Variants in LGMN observed in about 807,000 individuals in gnomAD.
LGMN encodes the protein asparaginyl endopeptidase.
In LGMN, 36 loss-of-function variants were observed where a neutral mutation model predicts 56.8. That is an observed-to-expected ratio of 0.63 (90% CI 0.49 to 0.84). LGMN has a LOEUF of 0.84. LGMN is among the 40% of genes least tolerant of loss of function. The pLI is 0.00. For missense variants in LGMN, 446 were observed against 556.1 expected (o/e 0.80, Z 1.99); for synonymous variants, 199 against 210.1 (o/e 0.95, Z 0.46).
intron 3 of LGMN, 62 bp from the exon 4 acceptor site, chr14:92,717,523 A>G (rs1890130625): frequency 8.1e-7 from 1 of 1,230,916 alleles, no homozygotes; most frequent in Non-Finnish European, 1.2e-6. Context: ...TCTCTCTTCA[A>G]ACACATGTAT....
rs1014680277 is a variant in LGMN, at chr14:92,736,485, ACTCAGGAGG to A, written c.-29-3679_-29-3671del. ...GTGGCGCACACCTGTAATCCCAGCT[ACTCAGGAGG>A]CTGAGGCACGAGAATCACTTGAACC... On this transcript the variant is annotated intron_variant, in intron 1 of 13. Coordinates refer to ENST00000334869, the MANE Select transcript of LGMN (RefSeq NM_005606.7). 1.1e-4 allele frequency among the ~76,000 whole-genome samples: 17 copies of A among 152,176 alleles called. No individual in the cohort carries two copies. The South Asian group carries it at 2.7e-3, about 24-fold the overall frequency.
chr14:92,730,441 G>A (rs1890993037), intron 2 of LGMN, among the ~76,000 whole-genome samples: 1 of 151,846 alleles, frequency 6.6e-6, no homozygotes, highest in Non-Finnish European at 1.5e-5. Context: ...TTTTAAACAA[G>A]GTCTCGCTCT....
intron 2 of LGMN, among the ~76,000 whole-genome samples, chr14:92,721,270 A>G (rs1890464565): frequency 6.6e-6 from 1 of 152,172 alleles, no homozygotes; most frequent in South Asian, 2.1e-4. Flanking sequence ...ATGCAGTGTA[A>G]GAAAGATTCA....
chr14:92,720,095 T>C (rs1890379765), intron 2 of LGMN, among the ~76,000 whole-genome samples: 1 of 152,118 alleles, frequency 6.6e-6, no homozygotes, highest in Non-Finnish European at 1.5e-5. Flanking sequence ...AGATGGGTGC[T>C]TGGTATACAG....
rs1321287657 is a variant in LGMN, at chr14:92,732,792, A to C, written c.-6T>G. 1 of 1,612,314 alleles carries C rather than the reference A, an allele frequency of 6.2e-7. No individual in the cohort carries two copies. Among genetic ancestry groups the C allele is most frequent in the Admixed American group, 1.7e-5 (1 of 59,428 alleles). On this transcript the variant is annotated 5_prime_UTR_variant, in exon 2 of 14. Coordinates refer to ENST00000334869, the MANE Select transcript of LGMN (RefSeq NM_005606.7). ...ACAGCTACTTTCCAAACCATTCTGCACCTTGGAGTTCAATTGCAGACACCT... is the reference window on the plus strand; with the variant it reads ...ACAGCTACTTTCCAAACCATTCTGCCCCTTGGAGTTCAATTGCAGACACCT...
At chr14:92,708,208 A>T (rs995398172) in intron 11 of LGMN, among the ~76,000 whole-genome samples, 1 of 152,130 alleles carries the variant, frequency 6.6e-6, no homozygotes, top group Non-Finnish European at 1.5e-5. Flanking sequence ...GAACTATCAA[A>T]AATGTCCTTT....
At position 92,704,730 on chromosome 14, in the gene LGMN, A is replaced by C. The variant is rs779259529; in HGVS notation, c.1192-23T>G. The C allele has an allele frequency of 3.1e-6, 5 of 1,592,170 alleles. No homozygotes were observed. The South Asian group carries it at 4.4e-5, about 14-fold the overall frequency. On this transcript the variant is annotated intron_variant, in intron 12 of 13. Coordinates refer to ENST00000334869, the MANE Select transcript of LGMN (RefSeq NM_005606.7). ...GTACTGGGAGAAAACAAACGAGAAG[A>C]ATGAAACTTCCTCATCTCACCACAC...
chr14:92,744,602 T>C (rs941688878), intron 1 of LGMN, among the ~76,000 whole-genome samples: 1 of 151,226 alleles, frequency 6.6e-6, no homozygotes. Context: ...TAGTTTTTTT[T>C]TTTTTTTTTT....
chr14:92,717,598 C>T (rs989961435), intron 3 of LGMN, 137 bp from the exon 4 acceptor site: 6 of 599,978 alleles, frequency 1.0e-5, no homozygotes, highest in African/African-American at 9.1e-5. Flanking sequence ...TGCAGGGTGG[C>T]CAACGTGTGA....
chr14:92,721,637 C>T (rs973213073), intron 2 of LGMN, among the ~76,000 whole-genome samples: 5 of 152,200 alleles, frequency 3.3e-5, no homozygotes, highest in African/African-American at 9.7e-5. Flanking sequence ...CCAAGCAATT[C>T]TACTCCTAGC....
chr14:92,718,677 G>T, intron 3 of LGMN, 70 bp downstream of exon 3: 1 of 960,430 alleles, frequency 1.0e-6, no homozygotes, highest in Non-Finnish European at 1.7e-6. Context: ...GGATTCCTGT[G>T]AGTCTATGTG....
At chr14:92,732,873 G>A (rs1046340683) in intron 1 of LGMN, 58 bp from the exon 2 acceptor site, 34 of 1,404,670 alleles carry the variant, frequency 2.4e-5, no homozygotes, top group Middle Eastern at 3.7e-4. Flanking sequence ...AACATTGGCT[G>A]GGCGCGGTGG....
In LGMN at chr14:92,717,400, G is replaced by A. The variant is rs915223164; in HGVS notation, c.298C>T (p.Pro100Ser). The A allele has an allele frequency of 1.2e-6, 2 of 1,611,280 alleles. No homozygotes were observed. Among genetic ancestry groups the A allele is most frequent in the Non-Finnish European group, 1.7e-6 (2 of 1,177,926 alleles). Residue 100 changes from proline to serine, a missense_variant, in exon 4 of 14, where the codon CCG (proline) becomes TCG (serine). By Grantham distance (74) the Pro-to-Ser change is moderately conservative. Transcript: ENST00000334869. ...PNGTDVYQGV[P>S]KDYTGEDVTP... ...CTCACCTCTCCAGTGTAGTCCTTCG[G>A]GACTCCCTGATAGACATCTGTGCCA...
In LGMN at chr14:92,721,880, C is replaced by A. The variant is rs113572001; in HGVS notation, c.139-3036G>T. On this transcript the variant is annotated intron_variant, in intron 2 of 13. Coordinates refer to ENST00000334869, the MANE Select transcript of LGMN (RefSeq NM_005606.7). ...CCACTATGCAATGTATCTATGTACCCCCTGAATCTATAAAAACTTTTAAAA... is the reference window on the plus strand; with the variant it reads ...CCACTATGCAATGTATCTATGTACCACCTGAATCTATAAAAACTTTTAAAA... 9.7e-3 allele frequency among the ~76,000 whole-genome samples: 1,473 copies of A among 152,184 alleles called. 30 individuals are homozygous for A. The highest frequency in any genetic ancestry group is 0.033 in the African/African-American group (1,373 of 41,502).
intron 2 of LGMN, among the ~76,000 whole-genome samples, chr14:92,728,053 TGA>T (rs1254634853): frequency 6.6e-6 from 1 of 152,230 alleles, no homozygotes; most frequent in African/African-American, 2.4e-5. Context: ...GGATGCATTC[TGA>T]GAGATGCTTC....
intron 11 of LGMN, among the ~76,000 whole-genome samples, chr14:92,706,870 G>A (rs1003422113): frequency 1.3e-5 from 2 of 152,118 alleles, no homozygotes; most frequent in African/African-American, 4.8e-5. Flanking sequence ...GGGATCTTCT[G>A]GCATGATGCA....
intron 1 of LGMN, among the ~76,000 whole-genome samples, chr14:92,744,407 C>T (rs1891721795): frequency 6.6e-6 from 1 of 152,096 alleles, no homozygotes; most frequent in Admixed American, 6.5e-5. Flanking sequence ...CTTCCTTCCC[C>T]CTCTGTAGAG....
At chr14:92,735,866 G>C (rs148293403) in intron 1 of LGMN, among the ~76,000 whole-genome samples, 1 of 151,816 alleles carries the variant, frequency 6.6e-6, no homozygotes, top group East Asian at 1.9e-4. Flanking sequence ...TGGAGTGCTG[G>C]GGACCCCCAG....
rs1178798995 is a variant in LGMN, at chr14:92,717,328, A to G, written c.318+52T>C. 7.0e-5 allele frequency: 77 copies of G among 1,100,322 alleles called. No individual in the cohort carries two copies. In the East Asian group the frequency reaches 1.9e-3, roughly 26 times the overall value. 68.2% of individuals were successfully genotyped at this position (1,100,322 alleles called of 1,614,324 possible). ...GAAACAGAAGAAAGAGGGAAAAATC[A>G]TCACTAAAATGAAAACTAAACCAGC... On this transcript the variant is annotated intron_variant, in intron 4 of 13. Transcript: ENST00000334869.
Sources: gnomAD v4.1 joint callset for allele counts (sites outside exome capture counted in the v4.1 genomes callset) on GRCh38, gnomAD v4.1.1 for gene constraint, MANE v1.5 for transcripts, NCBI Gene and HGNC (gene_info 2026-07-23, HGNC 2026-07-21) for gene names.